Variants in IFT172 observed in about 807,000 individuals in gnomAD.
IFT172 encodes intraflagellar transport protein 172 homolog.
Under a neutral mutation model 248.9 loss-of-function variants are expected in IFT172, and 164 were observed. That is an observed-to-expected ratio of 0.66 (90% CI 0.58 to 0.75). The LOEUF (loss-of-function observed/expected upper bound fraction) is 0.75, where lower values mean the gene tolerates loss of function less well. Among genes scored for constraint, IFT172 ranks in the 30% least tolerant of loss-of-function variants. The pLI is 0.00. For synonymous variants in IFT172, 729 were observed against 791.6 expected (o/e 0.92, Z 1.33); for missense variants, 1,950 against 2,192.4 (o/e 0.89, Z 2.21).
chr2:27,479,128 C>T (rs1668165316), intron 10 of IFT172, among the ~76,000 whole-genome samples: 1 of 152,124 alleles, frequency 6.6e-6, no homozygotes, highest in African/African-American at 2.4e-5. Context: ...CCTCAGCCTC[C>T]CAAGTAGCTG....
chr2:27,477,001 T>C (rs1668003093), intron 13 of IFT172: 1 of 598,926 alleles, frequency 1.7e-6, no homozygotes, highest in Non-Finnish European at 3.0e-6. Context: ...TTTTTTGTAT[T>C]TTTAGTAGAG....
At chr2:27,452,995 C>T in intron 35 of IFT172, 1 of 345,352 alleles carries the variant, frequency 2.9e-6, no homozygotes, top group Non-Finnish European at 5.7e-6. Flanking sequence ...TGGCCAGTTC[C>T]TGTGCCTGGA....
At chr2:27,480,644 A>G (rs1055596748) in intron 8 of IFT172, among the ~76,000 whole-genome samples, 3 of 152,224 alleles carry the variant, frequency 2.0e-5, no homozygotes, top group Non-Finnish European at 4.4e-5. Flanking sequence ...TATAGCATAT[A>G]GATGCTAATC....
chr2:27,444,495 G>C lies in IFT172; in HGVS notation c.5187C>G (p.Asp1729Glu). ...ACCACTGACTGATGAATTTCAGCACGTCCTGGCACACTGGGCTGTGGGAGG... is the reference window on the plus strand; with the variant it reads ...ACCACTGACTGATGAATTTCAGCACCTCCTGGCACACTGGGCTGTGGGAGG... Reference protein sequence around the residue: ...IKTSHSPVCQDVLKFISQWCG... With the variant: ...IKTSHSPVCQEVLKFISQWCG... Residue 1729 changes from aspartate to glutamate, a missense_variant, in exon 48 of 48, where the codon GAC (aspartate) becomes GAG (glutamate). Transcript: ENST00000260570. 1 of 1,613,624 alleles carries C rather than the reference G, an allele frequency of 6.2e-7. No homozygotes were observed. The highest frequency in any genetic ancestry group is 1.1e-5 in the South Asian group (1 of 90,938).
chr2:27,461,115 C>T (rs1480137980), intron 22 of IFT172, 22 bp from the exon 23 acceptor site: 1 of 1,614,136 alleles, frequency 6.2e-7, no homozygotes, highest in Admixed American at 1.7e-5. Flanking sequence ...TACCACATTA[C>T]TATGATACCC....
Position 27,445,599 on chromosome 2 carries a change from G to T in IFT172, c.4914+146C>A. The T allele has an allele frequency of 7.7e-7, 1 of 1,295,520 alleles. No homozygotes were observed. The highest frequency in any genetic ancestry group is 1.1e-6 in the Non-Finnish European group (1 of 937,928). The allele number at this position is 1,295,520 out of a possible 1,614,324, so 80.3% of individuals were successfully genotyped here. A position where few individuals can be genotyped will look rare whatever the true frequency, so the allele number is the denominator to read the frequency against. On this transcript the variant is annotated intron_variant, in intron 45 of 47. Transcript: ENST00000260570. The surrounding 1 kb of genome is among the most constrained non-coding windows in gnomAD (Gnocchi z 4.4). ...CCTTGGATTGGGGGATGCAGTCACAGCCTTTTCTTTCTATTTTGCTTCTAC... is the reference window on the plus strand; with the variant it reads ...CCTTGGATTGGGGGATGCAGTCACATCCTTTTCTTTCTATTTTGCTTCTAC...
Position 27,458,110 on chromosome 2 carries a change from T to C in IFT172, c.2975+16A>G, listed in dbSNP as rs1348673405. 3.7e-6 allele frequency: 6 copies of C among 1,613,520 alleles called. No individual in the cohort carries two copies. The highest frequency in any genetic ancestry group is 4.2e-6 in the Non-Finnish European group (5 of 1,179,482). On this transcript the variant is annotated intron_variant, in intron 27 of 47. Transcript: ENST00000260570. ...ATCTCATCTCCCTCTACACCTCCTC[T>C]GGGGCCACGGCTCACCTTTCAGCCT...
intron 7 of IFT172, among the ~76,000 whole-genome samples, chr2:27,482,987 C>T (rs548360819): frequency 6.7e-6 from 1 of 149,236 alleles, no homozygotes. Flanking sequence ...TCCTTATCCC[C>T]TATTCCACAG....
chr2:27,480,627 A>AG (rs1668287987), intron 8 of IFT172, among the ~76,000 whole-genome samples: 3 of 152,184 alleles, frequency 2.0e-5, no homozygotes, highest in Non-Finnish European at 2.9e-5. Context: ...AGCATATCTT[A>AG]AATATATATA....
chr2:27,455,446 C>T (rs541181011), intron 30 of IFT172: 6 of 238,514 alleles, frequency 2.5e-5, no homozygotes, highest in South Asian at 9.3e-5. Flanking sequence ...CGGTGGCTCA[C>T]GCCTGTAATC....
At chr2:27,473,212 C>CA (rs1299371298) in intron 14 of IFT172, among the ~76,000 whole-genome samples, 3 of 149,560 alleles carry the variant, frequency 2.0e-5, no homozygotes, top group Admixed American at 6.6e-5. Flanking sequence ...ACTAAAAATA[C>CA]AAAAAAAATT....
intron 7 of IFT172, among the ~76,000 whole-genome samples, chr2:27,482,814 T>A (rs1051298621): frequency 4.6e-5 from 7 of 152,088 alleles, no homozygotes; most frequent in African/African-American, 1.7e-4. Flanking sequence ...ACCTAATTCA[T>A]CCCTTCTTAT....
At chr2:27,481,812 C>G (rs1668395582) in intron 7 of IFT172, among the ~76,000 whole-genome samples, 1 of 150,886 alleles carries the variant, frequency 6.6e-6, no homozygotes, top group South Asian at 2.1e-4. Context: ...GTGCTGGGAT[C>G]ACAGGCGTGA....
chr2:27,445,648 C>T lies in IFT172; in HGVS notation c.4914+97G>A. The T allele has an allele frequency of 6.8e-7, 1 of 1,462,368 alleles. No homozygotes were observed. The highest frequency in any genetic ancestry group is 1.2e-5 in the South Asian group (1 of 83,122). 90.6% of individuals were successfully genotyped at this position (1,462,368 alleles called of 1,614,324 possible). A position where few individuals can be genotyped will look rare whatever the true frequency, so the allele number is the denominator to read the frequency against. On this transcript the variant is annotated intron_variant, in intron 45 of 47. Transcript: ENST00000260570. The surrounding 1 kb of genome is among the most constrained non-coding windows in gnomAD (Gnocchi z 4.4). The stretch of plus-strand genomic sequence containing the variant: ...ACTTTCACTGAAAAAACAGTGAGGG[C>T]TGAGGTCCTTCCAAAGATGGCAGCA...
rs986996939 is a variant in IFT172, at chr2:27,463,202, C to T, written c.1938-21G>A. On this transcript the variant is annotated intron_variant, in intron 18 of 47. Transcript: ENST00000260570. Reference sequence around the variant, plus strand: ...AGCACCTATGGCATGGAAGCAATAACATTAATAGTAATATTATTATAGAAT... The same window carrying T: ...AGCACCTATGGCATGGAAGCAATAATATTAATAGTAATATTATTATAGAAT... The T allele has an allele frequency of 1.1e-5, 18 of 1,586,864 alleles. No individual in the cohort carries two copies. In the Admixed American group the frequency reaches 1.5e-4, roughly 13 times the overall value.
rs1317766293 is a variant in IFT172, at chr2:27,461,384, G to A, written c.2327C>T (p.Ala776Val). 1.2e-6 allele frequency: 2 copies of A among 1,614,200 alleles called. No homozygotes were observed. Among genetic ancestry groups the A allele is most frequent in the East Asian group, 4.5e-5 (2 of 44,886 alleles). ...GLAAISLYLK[A>V]GLPAKAARLV... ...CCGAGCAGCTTTGGCAGGGAGCCCA[G>A]CTTTGAGGTAGAGGCTGATGGCTGC... Residue 776 changes from alanine (A) to valine (V), a missense_variant, in exon 22 of 48, where the codon GCT (alanine) becomes GTT (valine). Around this residue, in one of 3 missense-constraint regions of IFT172, gnomAD observed 1,166 missense variants for 1,254.1 expected, o/e 0.93. Coordinates refer to ENST00000260570, the MANE Select transcript of IFT172 (RefSeq NM_015662.3).
chr2:27,445,320 G>A lies in IFT172; in HGVS notation c.5044C>T (p.Arg1682Ter), dbSNP rs1329856696. 1.9e-6 allele frequency: 3 copies of A among 1,613,154 alleles called. No homozygotes were observed. Among genetic ancestry groups the A allele is most frequent in the East Asian group, 2.2e-5 (1 of 44,864 alleles). Reference protein sequence around the residue: ...ASLVAASTGVRALPCLITGYP... With the variant: ...ASLVAASTGV Reference sequence around the variant, plus strand: ...CCTGTAATAAGGCAGGGCAGGGCTCGAACACCAGTGCTCGCTGCCACTAGG... The same window carrying A: ...CCTGTAATAAGGCAGGGCAGGGCTCAAACACCAGTGCTCGCTGCCACTAGG... The change falls in exon 46 of 48, where the codon CGA becomes TGA. Residue 1682 changes from arginine (R) to a stop codon, truncating the protein, a stop_gained. Transcript: ENST00000260570. LOFTEE classifies it high-confidence loss of function. The surrounding 1 kb of genome is among the most constrained non-coding windows in gnomAD (Gnocchi z 4.4).
chr2:27,475,569 A>G (rs1298331618), intron 14 of IFT172: 1 of 152,184 alleles, frequency 6.6e-6, no homozygotes, highest in Non-Finnish European at 1.5e-5. Flanking sequence ...TATCATTCCA[A>G]TTTTAATATA....
At chr2:27,453,868 C>T in intron 33 of IFT172, 114 bp downstream of exon 33, 2 of 1,399,472 alleles carry the variant, frequency 1.4e-6, no homozygotes, top group African/African-American at 1.4e-5. Context: ...CTGTCTTCCC[C>T]ACTCCCCAAT....
Sources: allele counts gnomAD v4.1 joint callset (sites outside exome capture counted in the v4.1 genomes callset), GRCh38; gene constraint gnomAD v4.1.1; regional missense constraint gnomAD v4.1.1; non-coding constraint Gnocchi (gnomAD v3.1); transcripts MANE v1.5; gene names NCBI Gene and HGNC (gene_info 2026-07-23, HGNC 2026-07-21).